The following CCDC170 variants were observed in gnomAD, a reference collection of about 807,000 sequenced individuals.
CCDC170 encodes the protein coiled-coil domain containing 170.
A neutral mutation model predicts 72.6 loss-of-function variants in CCDC170; 69 were observed. The observed-to-expected ratio is 0.95, with a 90% CI of 0.78 to 1.16. The LOEUF is 1.16. Among genes scored for constraint, CCDC170 ranks in the 50% most tolerant of loss-of-function variants. The pLI, the probability that CCDC170 is intolerant of heterozygous loss-of-function variation, is 0.00. For missense variants in CCDC170, 852 were observed against 832.5 expected (o/e 1.02, Z -0.29); for synonymous variants, 300 against 303.9 (o/e 0.99, Z 0.13).
intron 3 of CCDC170, among the ~76,000 whole-genome samples, chr6:151,539,215 C>A (rs1562275738): frequency 6.6e-6 from 1 of 151,596 alleles, no homozygotes; most frequent in East Asian, 1.9e-4. Context: ...GAGCTGAGAT[C>A]ACACCACTGT....
At chr6:151,576,700 T>C (rs1776308284) in intron 6 of CCDC170, among the ~76,000 whole-genome samples, 1 of 152,176 alleles carries the variant, frequency 6.6e-6, no homozygotes, top group Admixed American at 6.5e-5. Context: ...ATATAGCTGG[T>C]GTCTTGTGTG....
At chr6:151,584,505 G>A (rs1776425107) in intron 6 of CCDC170, among the ~76,000 whole-genome samples, 1 of 151,964 alleles carries the variant, frequency 6.6e-6, no homozygotes, top group Non-Finnish European at 1.5e-5. Context: ...GAAATTGCAT[G>A]TATAATATTT....
chr6:151,597,725 A>G (rs948126755), intron 9 of CCDC170, among the ~76,000 whole-genome samples: 1 of 152,242 alleles, frequency 6.6e-6, no homozygotes, highest in African/African-American at 2.4e-5. Flanking sequence ...GAAACTTACA[A>G]GAATTTAATC....
chr6:151,514,377 A>AAGGGAGGGAGGGATGG (rs1583004674), intron 1 of CCDC170, among the ~76,000 whole-genome samples: 1 of 104,074 alleles, frequency 9.6e-6, no homozygotes, highest in Non-Finnish European at 1.8e-5. Flanking sequence ...GGGAGGGAGG[A>AAGGGAGGGAGGGATGG]AGGAAGGAAG....
chr6:151,584,812 G>A (rs929080614), intron 6 of CCDC170, among the ~76,000 whole-genome samples: 5 of 152,084 alleles, frequency 3.3e-5, no homozygotes, highest in African/African-American at 1.2e-4. Flanking sequence ...AAAGTTTAAA[G>A]GCAGATTACG....
At chr6:151,507,773 T>G (rs1470068055) in intron 1 of CCDC170, among the ~76,000 whole-genome samples, 1 of 151,884 alleles carries the variant, frequency 6.6e-6, no homozygotes, top group Non-Finnish European at 1.5e-5. Context: ...ATACAAACAT[T>G]AGCTGGGTGT....
At chr6:151,598,474 C>G (rs1776657337) in intron 9 of CCDC170, among the ~76,000 whole-genome samples, 1 of 152,202 alleles carries the variant, frequency 6.6e-6, no homozygotes, top group South Asian at 2.1e-4. Context: ...CATCAGAGGC[C>G]CTGGGGTCAT....
At chr6:151,603,379 G>A (rs756344929) in intron 9 of CCDC170, among the ~76,000 whole-genome samples, 1 of 152,060 alleles carries the variant, frequency 6.6e-6, no homozygotes, top group Non-Finnish European at 1.5e-5. Flanking sequence ...GACATAGTTT[G>A]GCTTTCACTT....
intron 1 of CCDC170, among the ~76,000 whole-genome samples, chr6:151,534,681 A>T (rs1183980265): frequency 6.6e-6 from 1 of 152,192 alleles, no homozygotes; most frequent in Non-Finnish European, 1.5e-5. Context: ...ATGATTGGCA[A>T]ACAGTAGCTA....
chr6:151,579,424 G>C (rs1018602723), intron 6 of CCDC170, among the ~76,000 whole-genome samples: 3 of 152,196 alleles, frequency 2.0e-5, no homozygotes, highest in African/African-American at 7.2e-5. Flanking sequence ...CTGAAGCTAC[G>C]TTCTGTGATC....
intron 1 of CCDC170, among the ~76,000 whole-genome samples, chr6:151,500,531 T>C (rs75820451): frequency 0.029 from 4,430 of 152,008 alleles, 224 homozygotes; most frequent in African/African-American, 0.1. Context: ...ATACTATTTA[T>C]GAAAGACACA....
chr6:151,576,038 T>C (rs896405847), intron 6 of CCDC170, among the ~76,000 whole-genome samples: 2 of 152,202 alleles, frequency 1.3e-5, no homozygotes, highest in African/African-American at 4.8e-5. Context: ...TGCAGACGAT[T>C]TCCAGCTCAT....
At chr6:151,517,786 T>C (rs562856007) in intron 1 of CCDC170, among the ~76,000 whole-genome samples, 1 of 152,254 alleles carries the variant, frequency 6.6e-6, no homozygotes, top group South Asian at 2.1e-4. Flanking sequence ...GACTCATGTC[T>C]GTCGACTTGG....
In CCDC170 at chr6:151,620,553, G is replaced by C. The variant is rs1777045517; in HGVS notation, c.*2406G>C. 6.6e-6 allele frequency: 1 copy of C among 152,216 alleles called. No individual in the cohort carries two copies. The highest frequency in any genetic ancestry group is 1.9e-4 in the East Asian group (1 of 5,196). The allele number at this position is 152,216 out of a possible 1,614,324, so 9.4% of individuals were successfully genotyped here. A position where few individuals can be genotyped will look rare whatever the true frequency, so the allele number is the denominator to read the frequency against. On this transcript the variant is annotated 3_prime_UTR_variant, in exon 11 of 11. Transcript: ENST00000239374. ...GCTGTTTTGGATCGAAAATCACCTTGAGTGGAGGAAGTGACTTCACTGGGT... is the reference window on the plus strand; with the variant it reads ...GCTGTTTTGGATCGAAAATCACCTTCAGTGGAGGAAGTGACTTCACTGGGT...
chr6:151,614,563 T>A (rs1251145046), intron 9 of CCDC170, among the ~76,000 whole-genome samples: 1 of 152,028 alleles, frequency 6.6e-6, no homozygotes, highest in African/African-American at 2.4e-5. Flanking sequence ...CAAGCAATTC[T>A]CCTGCCTCAG....
chr6:151,590,790 G>A (rs1039926789), intron 7 of CCDC170, among the ~76,000 whole-genome samples: 1 of 152,086 alleles, frequency 6.6e-6, no homozygotes, highest in African/African-American at 2.4e-5. Context: ...TGTAGTCCTG[G>A]CCTAGTAAAT....
At chr6:151,562,291 G>A (rs1776046390) in intron 5 of CCDC170, among the ~76,000 whole-genome samples, 1 of 152,154 alleles carries the variant, frequency 6.6e-6, no homozygotes, top group Non-Finnish European at 1.5e-5. Flanking sequence ...AAACACTCTG[G>A]CTTTTTGTAC....
chr6:151,606,752 T>A (rs373461287), intron 9 of CCDC170, among the ~76,000 whole-genome samples: 2 of 152,364 alleles, frequency 1.3e-5, no homozygotes, highest in South Asian at 2.1e-4. Context: ...TAATGGAATT[T>A]ATCTCTCTTG....
chr6:151,593,887 G>C (rs6922484), intron 8 of CCDC170, among the ~76,000 whole-genome samples: 16,867 of 152,146 alleles, frequency 0.11, 1,204 homozygotes, highest in African/African-American at 0.21. Flanking sequence ...GCAAATGTAG[G>C]CTTTACTCTG....
Sources: gnomAD v4.1 joint callset for allele counts (sites outside exome capture counted in the v4.1 genomes callset) on GRCh38, gnomAD v4.1.1 for gene constraint, MANE v1.5 for transcripts, NCBI Gene and HGNC (gene_info 2026-07-23, HGNC 2026-07-21) for gene names.